NHS: variants seen among roughly 807,000 people sequenced by gnomAD.
The protein encoded by NHS is NHS actin remodeling regulator, also known as actin remodeling regulator NHS.
Under a neutral mutation model 72.5 loss-of-function variants are expected in NHS, and 5 were observed. That is an observed-to-expected ratio of 0.07 (90% CI 0.04 to 0.14). The LOEUF (loss-of-function observed/expected upper bound fraction) is 0.14, where lower values mean the gene tolerates loss of function less well. NHS is among the 10% of genes least tolerant of loss of function. The pLI is 1.00. For synonymous variants in NHS, 464 were observed against 547.7 expected (o/e 0.85, Z 2.13); for missense variants, 1,072 against 1,355.7 (o/e 0.79, Z 3.29).
At position 17,724,378 on chromosome X, in the gene NHS, G is replaced by A; in HGVS notation, c.1188G>A (p.Leu396=). 1 of 1,211,822 alleles carries A rather than the reference G, an allele frequency of 8.3e-7. No individual in the cohort carries two copies. Among genetic ancestry groups the A allele is most frequent in the African/African-American group, 1.7e-5 (1 of 57,850 alleles). ...SQSVLQRRRK[L]RRRKTISGIP... ...CGGTACTACAGCGGAGACGAAAATTGAGGAGGAGGAAAACCATCTCGGGTA... is the reference window on the plus strand; with the variant it reads ...CGGTACTACAGCGGAGACGAAAATTAAGGAGGAGGAAAACCATCTCGGGTA... Residue 396 remains leucine, a synonymous_variant, in exon 6 of 9, where the codon TTG becomes TTA. Coordinates refer to ENST00000676302, the MANE Select transcript of NHS (RefSeq NM_001291867.2).
intron 1 of NHS, among the ~76,000 whole-genome samples, chrX:17,649,926 G>A (rs1409269399): frequency 8.9e-6 from 1 of 112,246 alleles, no homozygotes; most frequent in East Asian, 2.8e-4. Flanking sequence ...GTAATGTGCT[G>A]CTACTGGGAT....
chrX:17,469,798 G>C (rs973567090), intron 1 of NHS, among the ~76,000 whole-genome samples: 1 of 110,741 alleles, frequency 9.0e-6, no homozygotes, highest in Non-Finnish European at 1.9e-5. Context: ...GCACCACCAC[G>C]CCTGGCCAAT....
intron 1 of NHS, among the ~76,000 whole-genome samples, chrX:17,448,545 G>A (rs1052292715): frequency 3.6e-5 from 4 of 112,100 alleles, no homozygotes; most frequent in African/African-American, 1.3e-4. Flanking sequence ...AGCTCACATA[G>A]TGCCATCTCA....
chrX:17,400,905 A>T (rs2064500202), intron 1 of NHS, among the ~76,000 whole-genome samples: 2 of 111,869 alleles, frequency 1.8e-5, no homozygotes, highest in Non-Finnish European at 3.8e-5. Flanking sequence ...TAATGTGGAA[A>T]GGGAAGGAAC....
At chrX:17,723,056 T>C (rs2066415279) in intron 5 of NHS, among the ~76,000 whole-genome samples, 1 of 112,135 alleles carries the variant, frequency 8.9e-6, no homozygotes, top group Non-Finnish European at 1.9e-5. Flanking sequence ...CTATAATTAC[T>C]AAGATCAGAA....
At chrX:17,409,234 A>G (rs2064545143) in intron 1 of NHS, among the ~76,000 whole-genome samples, 1 of 112,370 alleles carries the variant, frequency 8.9e-6, no homozygotes, top group Admixed American at 9.4e-5. Flanking sequence ...TGATAATTAA[A>G]CATGGTACTA....
At chrX:17,473,960 G>A (rs944446350) in intron 1 of NHS, among the ~76,000 whole-genome samples, 8 of 110,607 alleles carry the variant, frequency 7.2e-5, no homozygotes, top group Non-Finnish European at 1.5e-4. Flanking sequence ...GGGTACACGT[G>A]AAGGTTTGTT....
chrX:17,421,934 TAC>T (rs1163909419), intron 1 of NHS, among the ~76,000 whole-genome samples: 1 of 97,670 alleles, frequency 1.0e-5, no homozygotes, highest in African/African-American at 3.8e-5. Flanking sequence ...ATAACTGACA[TAC>T]AGTAATGTGA....
intron 1 of NHS, among the ~76,000 whole-genome samples, chrX:17,490,968 T>C (rs1397644777): frequency 8.9e-6 from 1 of 112,299 alleles, no homozygotes; most frequent in Non-Finnish European, 1.9e-5. Flanking sequence ...TTTTTGCACA[T>C]TGATTTTGTA....
intron 1 of NHS, among the ~76,000 whole-genome samples, chrX:17,550,549 G>A (rs1018833608): frequency 8.9e-6 from 1 of 111,810 alleles, no homozygotes; most frequent in Non-Finnish European, 1.9e-5. Flanking sequence ...TGGAGTCACA[G>A]AAGTGGTCTA....
intron 1 of NHS, among the ~76,000 whole-genome samples, chrX:17,566,191 C>T (rs1022545290): frequency 1.8e-5 from 2 of 109,816 alleles, no homozygotes; most frequent in African/African-American, 6.7e-5. Flanking sequence ...CCATATTGCC[C>T]AGGCTGTTCT....
chrX:17,540,924 T>G (rs937548405), intron 1 of NHS, among the ~76,000 whole-genome samples: 7 of 111,036 alleles, frequency 6.3e-5, no homozygotes, highest in Non-Finnish European at 1.1e-4. Context: ...TACAAAAAAT[T>G]AGCTGGGCAT....
At position 17,376,332 on chromosome X, in the gene NHS, C is replaced by G; in HGVS notation, c.565+10C>G. 1 of 1,141,376 alleles carries G rather than the reference C, an allele frequency of 8.8e-7. No individual in the cohort carries two copies. The highest frequency in any genetic ancestry group is 1.9e-5 in the South Asian group (1 of 52,315). The allele number at this position is 1,141,376 out of a possible 1,213,427, so 94.1% of individuals were successfully genotyped here. ...AAGCAGGAGGCAGTGCGTGAGTACC[C>G]GCGCCGTCCGCCCGCCAGGCTATGG... On this transcript the variant is annotated intron_variant, in intron 1 of 8. Coordinates refer to ENST00000676302, the MANE Select transcript of NHS (RefSeq NM_001291867.2).
At chrX:17,687,593 C>T in intron 1 of NHS, 149 bp from the exon 2 acceptor site, 1 of 727,862 alleles carries the variant, frequency 1.4e-6, no homozygotes. Flanking sequence ...AAACCTTTCT[C>T]CGGCCTTGAG....
intron 3 of NHS, among the ~76,000 whole-genome samples, chrX:17,717,125 G>A (rs1279291654): frequency 1.4e-4 from 15 of 110,478 alleles, no homozygotes; most frequent in Admixed American, 1.1e-3. Context: ...GCGCCACCAC[G>A]CCTGGCTAAT....
chrX:17,653,445 T>C (rs2147086344), intron 1 of NHS, among the ~76,000 whole-genome samples: 1 of 108,085 alleles, frequency 9.3e-6, no homozygotes, highest in African/African-American at 3.4e-5. Flanking sequence ...TTTTAACCTC[T>C]CTGCCATGGG....
intron 1 of NHS, among the ~76,000 whole-genome samples, chrX:17,504,729 C>A (rs1001900335): frequency 6.2e-5 from 7 of 112,234 alleles, no homozygotes; most frequent in African/African-American, 1.9e-4. Context: ...CATGTGGCAA[C>A]GCAGTGTTTC....
At chrX:17,572,417 A>G (rs1365370399) in intron 1 of NHS, among the ~76,000 whole-genome samples, 1 of 106,590 alleles carries the variant, frequency 9.4e-6, no homozygotes, top group Non-Finnish European at 1.9e-5. Context: ...TTACCATTAT[A>G]TAATGGCCTT....
At chrX:17,519,521 C>T (rs2065137278) in intron 1 of NHS, among the ~76,000 whole-genome samples, 1 of 112,129 alleles carries the variant, frequency 8.9e-6, no homozygotes, top group Admixed American at 9.4e-5. Context: ...CTTCCCAGGG[C>T]CTTACACAAC....
Sources: allele counts gnomAD v4.1 joint callset (sites outside exome capture counted in the v4.1 genomes callset), GRCh38; gene constraint gnomAD v4.1.1; transcripts MANE v1.5; gene names NCBI Gene and HGNC (gene_info 2026-07-23, HGNC 2026-07-21).